The following CAPN7 variants were observed in gnomAD, a reference collection of about 807,000 sequenced individuals.
CAPN7 encodes calpain 7, also known as calpain-7.
A neutral mutation model predicts 115.2 loss-of-function variants in CAPN7; 72 were observed. The ratio of observed to expected loss-of-function variants is 0.63; its 90% CI spans 0.52 to 0.76. CAPN7 has a LOEUF of 0.76. Among genes scored for constraint, CAPN7 ranks in the 30% least tolerant of loss-of-function variants. The pLI is 0.00. For synonymous variants in CAPN7, 344 were observed against 322.3 expected (o/e 1.07, Z -0.72); for missense variants, 905 against 971.5 (o/e 0.93, Z 0.91).
intron 10 of CAPN7, among the ~76,000 whole-genome samples, chr3:15,233,009 C>T (rs533837836): frequency 1.3e-5 from 2 of 152,110 alleles, no homozygotes; most frequent in African/African-American, 4.8e-5. Context: ...CCAGTCTTAA[C>T]AGAACTTAAC....
intron 16 of CAPN7, among the ~76,000 whole-genome samples, chr3:15,243,796 G>C (rs1007020591): frequency 1.3e-5 from 2 of 151,782 alleles, no homozygotes; most frequent in Admixed American, 1.3e-4. Context: ...GAAGTGGGGG[G>C]AGGGTGGGAG....
Position 15,235,037 on chromosome 3 carries a change from A to AAG in CAPN7, c.1299_1300insAG (p.Asp434ArgfsTer11), listed in dbSNP as rs1295377461. 1 of 1,610,500 alleles carries AAG rather than the reference A, an allele frequency of 6.2e-7. No homozygotes were observed. ...GGGTTCATTCCAGATTTCACAAAGG[A>AAG]GATGTCCTCATCACTGCGTCAACTG... On this transcript the variant is annotated frameshift_variant, in exon 12 of 21. Coordinates refer to ENST00000253693, the MANE Select transcript of CAPN7 (RefSeq NM_014296.3). LOFTEE classifies it high-confidence loss of function.
chr3:15,232,539 A>T lies in CAPN7; in HGVS notation c.1053A>T (p.Leu351Phe), dbSNP rs775496643. The change falls in exon 10 of 21, where the codon TTA becomes TTT. Residue 351 changes from leucine to phenylalanine, a missense_variant. Transcript: ENST00000253693. Reference sequence around the variant, plus strand: ...TCCAGGTGATAATTGATGACCAGTTACCTGTTGATCACAAGGGAGAATTGC... The same window carrying T: ...TCCAGGTGATAATTGATGACCAGTTTCCTGTTGATCACAAGGGAGAATTGC... ...VPRKVIIDDQ[L>F]PVDHKGELLC... 16 of 1,610,120 alleles carry T rather than the reference A, an allele frequency of 9.9e-6. No homozygotes were observed. The highest frequency in any genetic ancestry group is 1.3e-5 in the Non-Finnish European group (15 of 1,178,570).
intron 6 of CAPN7, among the ~76,000 whole-genome samples, chr3:15,225,016 C>A (rs1044733755): frequency 2.0e-5 from 3 of 152,110 alleles, no homozygotes; most frequent in African/African-American, 7.2e-5. Flanking sequence ...TTGTGTAACA[C>A]CGGGCAAGTT....
chr3:15,249,006 C>CAAAAAAAAAAAA (rs1460568964), intron 19 of CAPN7, among the ~76,000 whole-genome samples: 14 of 50,644 alleles, frequency 2.8e-4, no homozygotes, highest in East Asian at 5.6e-4. Context: ...ATACAACAAC[C>CAAAAAAAAAAAA]AAAAAAAAAA....
rs759459747 is a variant in CAPN7 at position 15,212,137 on chromosome 3, G to C, written c.136G>C (p.Ala46Pro). 2 of 1,610,244 alleles carry C rather than the reference G, an allele frequency of 1.2e-6. No individual in the cohort carries two copies. The highest frequency in any genetic ancestry group is 3.4e-5 in the Admixed American group (2 of 59,670). The change falls in exon 2 of 21, where the codon GCA becomes CCA. Residue 46 changes from alanine to proline, a missense_variant. By Grantham distance (27) the Ala-to-Pro change is conservative. This residue lies in a region of CAPN7 where 271 missense variants were observed against 239.6 expected (regional missense o/e 1.13). Coordinates refer to ENST00000253693, the MANE Select transcript of CAPN7 (RefSeq NM_014296.3). Reference sequence around the variant, plus strand: ...ACAAGCCTTAATTTATGCTGAGATGGCAGGATCAAGCCTAGAAAATATTCA... The same window carrying C: ...ACAAGCCTTAATTTATGCTGAGATGCCAGGATCAAGCCTAGAAAATATTCA... ...AAQALIYAEM[A>P]GSSLENIQEK...
Position 15,206,371 on chromosome 3 carries a change from A to C in CAPN7, c.-125A>C. On this transcript the variant is annotated 5_prime_UTR_variant, in exon 1 of 21. Coordinates refer to ENST00000253693, the MANE Select transcript of CAPN7 (RefSeq NM_014296.3). Reference sequence around the variant, plus strand: ...AAGGCGAGCTCTCCTCCACCGTCCAAAGTAAACTTTGCCGCTCCTTCCGCG... The same window carrying C: ...AAGGCGAGCTCTCCTCCACCGTCCACAGTAAACTTTGCCGCTCCTTCCGCG... 1 of 681,064 alleles carries C rather than the reference A, an allele frequency of 1.5e-6. No individual in the cohort carries two copies. The allele number at this position is 681,064 out of a possible 1,614,324, so 42.2% of individuals were successfully genotyped here. A position where few individuals can be genotyped will look rare whatever the true frequency, so the allele number is the denominator to read the frequency against.
intron 2 of CAPN7, among the ~76,000 whole-genome samples, chr3:15,217,027 T>C (rs1693650302): frequency 6.6e-6 from 1 of 150,836 alleles, no homozygotes; most frequent in Non-Finnish European, 1.5e-5. Flanking sequence ...TGCTTGAGCC[T>C]GGGAGTTCAA....
chr3:15,233,926 T>C lies in CAPN7; in HGVS notation c.1239T>C (p.Asp413=). ...WIPERIAMHS[D]SQTFSKDNSF... ...CAGAAAGAATTGCTATGCATTCAGA[T>C]AGCCAAACTTTCAGTAAGGATAATT... is the stretch of plus-strand genomic sequence containing the variant. The change falls in exon 11 of 21, where the codon GAT becomes GAC. Residue 413 remains aspartate (D), a synonymous_variant. Coordinates refer to ENST00000253693, the MANE Select transcript of CAPN7 (RefSeq NM_014296.3). The C allele has an allele frequency of 6.2e-7, 1 of 1,606,128 alleles. No homozygotes were observed. Among genetic ancestry groups the C allele is most frequent in the South Asian group, 1.1e-5 (1 of 90,636 alleles).
intron 5 of CAPN7, among the ~76,000 whole-genome samples, chr3:15,221,999 C>T (rs1006081312): frequency 4.7e-5 from 7 of 148,734 alleles, no homozygotes; most frequent in Admixed American, 1.3e-4. Context: ...CATACGTATA[C>T]ATATACGTAT....
At chr3:15,249,006 C>CAAAAAAAAAAAAAAAAAAAAAAA (rs1460568964) in intron 19 of CAPN7, among the ~76,000 whole-genome samples, 8 of 50,720 alleles carry the variant, frequency 1.6e-4, no homozygotes, top group East Asian at 1.1e-3. Flanking sequence ...ATACAACAAC[C>CAAAAAAAAAAAAAAAAAAAAAAA]AAAAAAAAAA....
At chr3:15,240,969 C>T (rs1483472748) in intron 14 of CAPN7, 116 bp downstream of exon 14, 7 of 631,484 alleles carry the variant, frequency 1.1e-5, no homozygotes, top group Non-Finnish European at 1.9e-5. Context: ...CTTTGGGAGG[C>T]CGAGGTGGGT....
At chr3:15,221,657 G>GA (rs111337932) in intron 5 of CAPN7, among the ~76,000 whole-genome samples, 9,962 of 152,000 alleles carry the variant, frequency 0.066, 1,087 homozygotes, top group African/African-American at 0.22. Context: ...CCTAATGGGA[G>GA]AAAAAATGTT....
In CAPN7 at chr3:15,242,263, G is replaced by A. The variant is rs1455943666; in HGVS notation, c.1864+10G>A. 1.3e-6 allele frequency: 2 copies of A among 1,521,704 alleles called. No individual in the cohort carries two copies. The highest frequency in any genetic ancestry group is 1.8e-6 in the Non-Finnish European group (2 of 1,114,532). The allele number at this position is 1,521,704 out of a possible 1,614,324, so 94.3% of individuals were successfully genotyped here. On this transcript the variant is annotated intron_variant, in intron 16 of 20. Coordinates refer to ENST00000253693, the MANE Select transcript of CAPN7 (RefSeq NM_014296.3). ...AAAGTTTATTACCCAGGTATGTTTA[G>A]TAGCCCAGCAAACATTAAAATAAAC...
chr3:15,248,956 A>T (rs1352562820), intron 19 of CAPN7, among the ~76,000 whole-genome samples: 4 of 145,618 alleles, frequency 2.7e-5, no homozygotes, highest in African/African-American at 5.3e-5. Context: ...AGATGATGCC[A>T]CTGCACTCCA....
At position 15,229,561 on chromosome 3, in the gene CAPN7, C is replaced by CTTTTTTT. The variant is rs566957976; in HGVS notation, c.938+524_938+530dup. On this transcript the variant is annotated intron_variant, in intron 8 of 20. Transcript: ENST00000253693. ...CATCAAAATTGGTTTTACTTTTTTT[C>CTTTTTTT]TTTTTTTTTTTTTTTTTTTTTTTTT... Among the ~76,000 whole-genome samples the CTTTTTTT allele has an allele frequency of 4.3e-4, 38 of 87,876 alleles. 1 individual carries two copies. Among genetic ancestry groups the CTTTTTTT allele is most frequent in the Admixed American group, 8.5e-4 (6 of 7,058 alleles). The allele number at this position is 87,876 out of a possible 152,430, so 57.7% of individuals were successfully genotyped here.
chr3:15,214,943 T>C (rs576049007), intron 2 of CAPN7, among the ~76,000 whole-genome samples: 4 of 152,324 alleles, frequency 2.6e-5, no homozygotes, highest in African/African-American at 4.8e-5. Context: ...GGGATTTAGC[T>C]GGGTAGAGGC....
intron 13 of CAPN7, 42 bp from the exon 14 acceptor site, chr3:15,240,712 G>A: frequency 1.3e-6 from 2 of 1,564,840 alleles, no homozygotes; most frequent in Admixed American, 1.8e-5. Context: ...AAATCATTTA[G>A]CATTAAGATT....
chr3:15,238,515 T>C (rs1695139045), intron 12 of CAPN7, among the ~76,000 whole-genome samples: 1 of 152,200 alleles, frequency 6.6e-6, no homozygotes, highest in Non-Finnish European at 1.5e-5. Flanking sequence ...CTGACAGCTC[T>C]GCTCAGTATT....
Sources: gnomAD v4.1 joint callset for allele counts (sites outside exome capture counted in the v4.1 genomes callset) on GRCh38, gnomAD v4.1.1 for gene constraint, gnomAD v4.1.1 regional missense constraint, MANE v1.5 for transcripts, NCBI Gene and HGNC (gene_info 2026-07-23, HGNC 2026-07-21) for gene names.